Variants in ANKRD26 observed in about 807,000 individuals in gnomAD.
ANKRD26 encodes ankyrin repeat domain-containing protein 26.
ANKRD26 carries 141 observed loss-of-function variants against 208.7 expected under a neutral mutation model. That is an observed-to-expected ratio of 0.68 (90% CI 0.59 to 0.78). The LOEUF (loss-of-function observed/expected upper bound fraction) is 0.78, where lower values mean the gene tolerates loss of function less well. Among genes scored for constraint, ANKRD26 ranks in the 30% least tolerant of loss-of-function variants. ANKRD26 has a pLI of 0.00. For missense variants in ANKRD26, 1,889 were observed against 1,938.7 expected, an observed-to-expected ratio of 0.97 and a Z score of 0.48; for synonymous variants, 636 against 660.4, an observed-to-expected ratio of 0.96 and a Z score of 0.57.
chr10:27,056,989 C>T (rs116092079), intron 15 of ANKRD26, among the ~76,000 whole-genome samples: 4,335 of 152,074 alleles, frequency 0.029, 199 homozygotes, highest in East Asian at 0.16. Flanking sequence ...CCCAGTTCTG[C>T]GGATGCTGAC....
At chr10:27,061,276 G>T in intron 12 of ANKRD26, 34 bp from the exon 13 acceptor site, 1 of 1,409,940 alleles carries the variant, frequency 7.1e-7, no homozygotes, top group Non-Finnish European at 9.9e-7. Context: ...TTTCAATATT[G>T]TAATATTTAT....
Position 27,082,654 on chromosome 10 carries a change from G to A in ANKRD26, c.740+149C>T, listed in dbSNP as rs1331974244. 3 of 1,178,860 alleles carry A rather than the reference G, an allele frequency of 2.5e-6. No individual in the cohort carries two copies. The African/African-American group carries it at 4.7e-5, about 18-fold the overall frequency. 73.0% of individuals were successfully genotyped at this position (1,178,860 alleles called of 1,614,324 possible). On this transcript the variant is annotated intron_variant, in intron 6 of 33. Coordinates refer to ENST00000376087, the MANE Select transcript of ANKRD26 (RefSeq NM_014915.3). ...CAACCTCTCTGAACCACACAGTTGG[G>A]TTGTAATATAGCACAGATACTTTGC...
In ANKRD26 at chr10:27,025,377, C is replaced by T. The variant is rs764274631; in HGVS notation, c.3973-818G>A. On this transcript the variant is annotated intron_variant, in intron 27 of 33. Coordinates refer to ENST00000376087, the MANE Select transcript of ANKRD26 (RefSeq NM_014915.3). ...TTAGAGACAGAGTTTTGCTATGCTG[C>T]CCAGGCTGGTCTTGATTCCTAGTCT... Among the ~76,000 whole-genome samples the T allele has an allele frequency of 5.3e-4, 80 of 152,042 alleles. 1 individual carries two copies. The highest frequency in any genetic ancestry group is 3.1e-4 in the Non-Finnish European group (21 of 68,008).
At chr10:27,072,168 G>T (rs966426875) in intron 9 of ANKRD26, among the ~76,000 whole-genome samples, 3 of 152,334 alleles carry the variant, frequency 2.0e-5, no homozygotes, top group Admixed American at 6.5e-5. Context: ...CTGTCCCTCA[G>T]GAAGGCTTAT....
chr10:27,033,693 G>A (rs2053956256), intron 24 of ANKRD26, among the ~76,000 whole-genome samples: 1 of 152,134 alleles, frequency 6.6e-6, no homozygotes. Flanking sequence ...TTATGTGAGT[G>A]GAACTGGTAG....
In ANKRD26 at chr10:27,100,414, C is replaced by A. The variant is rs957607780; in HGVS notation, c.-88G>T. The A allele has an allele frequency of 6.4e-6, 10 of 1,560,182 alleles. No individual in the cohort carries two copies. In the African/African-American group the frequency reaches 1.1e-4, roughly 17 times the overall value. ...GCCCAACATAACAAGTCAGCCCCGG[C>A]TGGCCGCAGCCTCCCAAAGGAAACT... On this transcript the variant is annotated 5_prime_UTR_variant, in exon 1 of 34. Coordinates refer to ENST00000376087, the MANE Select transcript of ANKRD26 (RefSeq NM_014915.3).
At chr10:26,962,748 TA>T in the ANKRD26 span, among the ~76,000 whole-genome samples, 1 of 151,900 alleles carries the variant, frequency 6.6e-6, no homozygotes, top group Non-Finnish European at 1.5e-5. Flanking sequence ...ATCCTGTCTC[TA>T]AAAAAACAAA....
chr10:27,054,176 C>A (rs374298504), intron 15 of ANKRD26, among the ~76,000 whole-genome samples: 1 of 152,114 alleles, frequency 6.6e-6, no homozygotes, highest in Admixed American at 6.5e-5. Context: ...TATGCCCTTG[C>A]TCCCAGACGG....
In ANKRD26 at chr10:27,092,488, C is replaced by A. The variant is rs767744358; in HGVS notation, c.556G>T (p.Ala186Ser). 73 of 1,613,276 alleles carry A rather than the reference C, an allele frequency of 4.5e-5. No individual in the cohort carries two copies. Among genetic ancestry groups the A allele is most frequent in the Middle Eastern group, 1.6e-4 (1 of 6,082 alleles). ...NKDDLTPLLL[A>S]VSGKKQQMVE... ...ATTTGCTGCTTTTTTCCACTTACTG[C>A]AAGTAAAAGTGGTGTGAGGTCATCC... Residue 186 changes from alanine (A) to serine (S), a missense_variant, in exon 4 of 34, where the codon GCA (alanine) becomes TCA (serine). Ala to Ser is a moderately conservative substitution (Grantham distance 99). Around this residue, in one of 3 missense-constraint regions of ANKRD26, gnomAD observed 1,272 missense variants for 1,273.8 expected, o/e 1.00. Coordinates refer to ENST00000376087, the MANE Select transcript of ANKRD26 (RefSeq NM_014915.3).
intron 4 of ANKRD26, among the ~76,000 whole-genome samples, chr10:26,981,014 C>T (rs1299379565): frequency 6.6e-6 from 1 of 152,166 alleles, no homozygotes; most frequent in Non-Finnish European, 1.5e-5. Context: ...CTGAAAGTAG[C>T]TCTCCCATTC....
chr10:27,065,296 C>T (rs1379554734), intron 11 of ANKRD26, among the ~76,000 whole-genome samples: 2 of 152,098 alleles, frequency 1.3e-5, no homozygotes, highest in African/African-American at 4.8e-5. Flanking sequence ...AGCATAAGCC[C>T]CCACCTTGTA....
Position 27,037,136 on chromosome 10 carries a change from T to A in ANKRD26, c.2697+50A>T, listed in dbSNP as rs777700504. The A allele has an allele frequency of 5.7e-6, 9 of 1,582,792 alleles. No individual in the cohort carries two copies. The South Asian group carries it at 6.7e-5, about 12-fold the overall frequency. On this transcript the variant is annotated intron_variant, in intron 23 of 33. Coordinates refer to ENST00000376087, the MANE Select transcript of ANKRD26 (RefSeq NM_014915.3). The stretch of plus-strand genomic sequence containing the variant: ...TTGGTTTTTAAAATATATACACATA[T>A]AAATACATATACACACATATTTGAA...
downstream of ANKRD26, among the ~76,000 whole-genome samples, chr10:26,969,732 G>A (rs1589154554): frequency 1.3e-5 from 2 of 150,746 alleles, no homozygotes; most frequent in Admixed American, 1.3e-4. Context: ...TTTTTCTTCT[G>A]TAAAATGTGG....
exon 4 of ANKRD26, among the ~76,000 whole-genome samples, chr10:26,982,773 T>G (rs144315221): frequency 1.6e-3 from 243 of 152,318 alleles, no homozygotes; most frequent in African/African-American, 5.5e-3. Flanking sequence ...ACTTCTCAGT[T>G]GCACATTGTC....
chr10:27,008,898 G>A (rs1388859312), intron 32 of ANKRD26, among the ~76,000 whole-genome samples: 1 of 152,108 alleles, frequency 6.6e-6, no homozygotes, highest in Non-Finnish European at 1.5e-5. Context: ...TGAGTGTAGT[G>A]GAGTAATCTC....
At chr10:26,983,201 T>C (rs906083481) in intron 3 of ANKRD26, among the ~76,000 whole-genome samples, 2 of 152,178 alleles carry the variant, frequency 1.3e-5, no homozygotes, top group Non-Finnish European at 2.9e-5. Context: ...CTATATGCCA[T>C]AGAACATCTT....
In ANKRD26 at chr10:27,063,907, G is replaced by A; in HGVS notation, c.1363+81C>T. 5.2e-6 allele frequency: 6 copies of A among 1,146,656 alleles called. No homozygotes were observed. The Admixed American group carries it at 1.1e-4, about 22-fold the overall frequency. The allele number at this position is 1,146,656 out of a possible 1,614,324, so 71.0% of individuals were successfully genotyped here. The stretch of plus-strand genomic sequence containing the variant: ...TGCATTTAATAGGTGATTTTCTTCG[G>A]CTATTAGAATATATCAACAGTCATG... On this transcript the variant is annotated intron_variant, in intron 12 of 33. Transcript: ENST00000376087.
chr10:27,054,525 C>T (rs1411254289), intron 15 of ANKRD26, among the ~76,000 whole-genome samples: 2 of 152,042 alleles, frequency 1.3e-5, no homozygotes, highest in Non-Finnish European at 2.9e-5. Context: ...GCGGAGGTTG[C>T]GGAGAGCCAA....
At chr10:27,006,249 G>A (rs2052876208) in intron 33 of ANKRD26, among the ~76,000 whole-genome samples, 1 of 152,202 alleles carries the variant, frequency 6.6e-6, no homozygotes, top group South Asian at 2.1e-4. Flanking sequence ...CAAATGCCAA[G>A]AGCTGGAGCT....
Sources: gnomAD v4.1 joint callset for allele counts (sites outside exome capture counted in the v4.1 genomes callset) on GRCh38, gnomAD v4.1.1 for gene constraint, gnomAD v4.1.1 regional missense constraint, MANE v1.5 for transcripts, NCBI Gene and HGNC (gene_info 2026-07-23, HGNC 2026-07-21) for gene names.